CATSPERE: variants seen among roughly 807,000 people sequenced by gnomAD.
CATSPERE encodes catsper channel auxiliary subunit epsilon, also known as cation channel sperm-associated auxiliary subunit epsilon.
A neutral mutation model predicts 114.1 loss-of-function variants in CATSPERE; 93 were observed. The ratio of observed to expected loss-of-function variants is 0.81; its 90% confidence interval spans 0.69 to 0.97. The LOEUF (loss-of-function observed/expected upper bound fraction) is 0.97. Among genes scored for constraint, CATSPERE ranks in the 50% least tolerant of loss-of-function variants. The pLI is 0.00. For synonymous variants in CATSPERE, 341 were observed against 384.1 expected (o/e 0.89, Z 1.31); for missense variants, 1,058 against 1,131.6 (o/e 0.93, Z 0.93).
At chr1:244,565,974 GT>G (rs1211213395) in intron 10 of CATSPERE, among the ~76,000 whole-genome samples, 1 of 151,854 alleles carries the variant, frequency 6.6e-6, no homozygotes, top group Non-Finnish European at 1.5e-5. Context: ...TGGGGATTTA[GT>G]GCTATAAACA....
intron 5 of CATSPERE, among the ~76,000 whole-genome samples, chr1:244,484,848 T>C (rs1670752119): frequency 6.6e-6 from 1 of 152,220 alleles, no homozygotes; most frequent in Admixed American, 6.5e-5. Context: ...TTTCTCAGTA[T>C]TCATGCCTCT....
chr1:244,596,320 C>G (rs1029328425), intron 17 of CATSPERE, among the ~76,000 whole-genome samples: 1 of 152,216 alleles, frequency 6.6e-6, no homozygotes, highest in African/African-American at 2.4e-5. Context: ...ATAAATATAG[C>G]TAGCCAGCAA....
chr1:244,622,801 C>G (rs774475454), intron 20 of CATSPERE, among the ~76,000 whole-genome samples: 36 of 152,146 alleles, frequency 2.4e-4, no homozygotes, highest in Non-Finnish European at 3.7e-4. Context: ...TTACTTCATC[C>G]AAAGAGAATT....
rs1670218109 is a variant in CATSPERE, at chr1:244,607,997, C to T, written c.2403+2203C>T. Among the ~76,000 whole-genome samples, 1 of 152,152 alleles carries T rather than the reference C, an allele frequency of 6.6e-6. No individual in the cohort carries two copies. Among genetic ancestry groups the T allele is most frequent in the South Asian group, 2.1e-4 (1 of 4,836 alleles). ...TGGCACACACCTGTAATCCCAGCTA[C>T]TCAGGAGGCTGAGACAGGAGAATCG... On this transcript the variant is annotated intron_variant, in intron 18 of 21. Transcript: ENST00000366534. The surrounding 1 kb of genome is among the most constrained non-coding windows in gnomAD (Gnocchi z 4.4).
At chr1:244,473,637 TTGA>T in intron 2 of CATSPERE, among the ~76,000 whole-genome samples, 1 of 152,156 alleles carries the variant, frequency 6.6e-6, no homozygotes. Context: ...ACCTTTTTTT[TTGA>T]TTTGTGCTTT....
At chr1:244,458,959 G>C (rs1288517715), upstream of CATSPERE, among the ~76,000 whole-genome samples, 1 of 152,132 alleles carries the variant, frequency 6.6e-6, no homozygotes, top group Non-Finnish European at 1.5e-5. Flanking sequence ...CAAGGTTCCT[G>C]ACCTGTGGTA....
intron 1 of CATSPERE, among the ~76,000 whole-genome samples, chr1:244,455,857 C>T (rs556954100): frequency 2.0e-5 from 3 of 152,132 alleles, no homozygotes; most frequent in Non-Finnish European, 2.9e-5. Context: ...AGATCCCTCT[C>T]AAAATCCAAG....
intron 17 of CATSPERE, among the ~76,000 whole-genome samples, chr1:244,594,183 G>A (rs1415953065): frequency 1.3e-5 from 2 of 152,128 alleles, no homozygotes; most frequent in Non-Finnish European, 2.9e-5. Context: ...AGCCAGGCAT[G>A]GTGGTGTGTG....
At chr1:244,567,773 A>G (rs1663815396) in intron 10 of CATSPERE, among the ~76,000 whole-genome samples, 1 of 151,764 alleles carries the variant, frequency 6.6e-6, no homozygotes, top group Non-Finnish European at 1.5e-5. Flanking sequence ...GTTTCCTTGC[A>G]TTGGGTTAGA....
chr1:244,496,706 A>G (rs543466463), intron 6 of CATSPERE, among the ~76,000 whole-genome samples: 31 of 152,336 alleles, frequency 2.0e-4, no homozygotes, highest in Non-Finnish European at 3.4e-4. Context: ...TGAAAAAAAT[A>G]TACTTTTTCA....
upstream of CATSPERE, among the ~76,000 whole-genome samples, chr1:244,458,918 C>T (rs1666396449): frequency 6.6e-6 from 1 of 152,088 alleles, no homozygotes; most frequent in African/African-American, 2.4e-5. Context: ...GGGAATCTGG[C>T]CTCATACCTT....
rs1037877876 is a variant in CATSPERE, at chr1:244,461,356, C to A, written c.-74C>A. Reference sequence around the variant, plus strand: ...CAGGCGCCTGCAGCCGCCCGCCGGGCCGACGTCCCACGGGAATGCGCGAGG... The same window carrying A: ...CAGGCGCCTGCAGCCGCCCGCCGGGACGACGTCCCACGGGAATGCGCGAGG... On this transcript the variant is annotated 5_prime_UTR_variant, in exon 1 of 22. Transcript: ENST00000366534. The A allele has an allele frequency of 1.6e-5, 20 of 1,250,122 alleles. No homozygotes were observed. The African/African-American group carries it at 3.0e-4, about 19-fold the overall frequency. 77.4% of individuals were successfully genotyped at this position (1,250,122 alleles called of 1,614,324 possible).
rs549404767 is a variant in CATSPERE, at chr1:244,596,689, T to C, written c.2303+3111T>C. 6.6e-5 allele frequency among the ~76,000 whole-genome samples: 10 copies of C among 151,074 alleles called. 1 individual carries two copies. The South Asian group carries it at 2.1e-3, about 31-fold the overall frequency. On this transcript the variant is annotated intron_variant, in intron 17 of 21. Coordinates refer to ENST00000366534, the MANE Select transcript of CATSPERE (RefSeq NM_001130957.2). ...GCTTAAAACCTAGATGATGGCTTGA[T>C]AGGCGCAGCAAACCACCATGGCACA...
chr1:244,578,830 A>ATATATAT (rs1171375823), intron 11 of CATSPERE, among the ~76,000 whole-genome samples: 4 of 146,088 alleles, frequency 2.7e-5, no homozygotes, highest in Non-Finnish European at 6.0e-5. Context: ...ATACATATAT[A>ATATATAT]TATATATATA....
chr1:244,615,592 A>AT (rs1671275878), intron 19 of CATSPERE, among the ~76,000 whole-genome samples: 1 of 151,920 alleles, frequency 6.6e-6, no homozygotes. Flanking sequence ...AATGGTAAGT[A>AT]TTTGTGCAAT....
At chr1:244,524,526 G>T (rs1250412627) in intron 8 of CATSPERE, among the ~76,000 whole-genome samples, 1 of 149,402 alleles carries the variant, frequency 6.7e-6, no homozygotes, top group African/African-American at 2.6e-5. Flanking sequence ...CACAGCAAAA[G>T]AAACTACCAT....
chr1:244,606,169 T>A lies in CATSPERE; in HGVS notation c.2403+375T>A, dbSNP rs116137974. ...TGGGCTTCGTCTCACTTGACTTCCC[T>A]GCATCATTTGACCCTGCTGACTTTG... On this transcript the variant is annotated intron_variant, in intron 18 of 21. Coordinates refer to ENST00000366534, the MANE Select transcript of CATSPERE (RefSeq NM_001130957.2). 5.1e-3 allele frequency among the ~76,000 whole-genome samples: 777 copies of A among 152,254 alleles called. 10 individuals carry two copies. The highest frequency in any genetic ancestry group is 0.018 in the African/African-American group (757 of 41,538).
chr1:244,510,829 C>CTTTTTTT (rs1675594007), intron 7 of CATSPERE, among the ~76,000 whole-genome samples: 1 of 86,168 alleles, frequency 1.2e-5, no homozygotes, highest in Non-Finnish European at 2.4e-5. Context: ...TTTTCTTTTT[C>CTTTTTTT]TTTTTCTTTT....
rs758000587 is a variant in CATSPERE at position 244,461,350 on chromosome 1, G to C, written c.-80G>C. On this transcript the variant is annotated 5_prime_UTR_variant, in exon 1 of 22. Transcript: ENST00000366534. ...GGGACCCAGGCGCCTGCAGCCGCCCGCCGGGCCGACGTCCCACGGGAATGC... is the reference window on the plus strand; with the variant it reads ...GGGACCCAGGCGCCTGCAGCCGCCCCCCGGGCCGACGTCCCACGGGAATGC... The C allele has an allele frequency of 9.7e-6, 12 of 1,234,360 alleles. No individual in the cohort carries two copies. Among genetic ancestry groups the C allele is most frequent in the Non-Finnish European group, 7.2e-6 (7 of 968,182 alleles). The allele number at this position is 1,234,360 out of a possible 1,614,324, so 76.5% of individuals were successfully genotyped here.
Sources: gnomAD v4.1 joint callset for allele counts (sites outside exome capture counted in the v4.1 genomes callset) on GRCh38, gnomAD v4.1.1 for gene constraint, Gnocchi (gnomAD v3.1) non-coding constraint, MANE v1.5 for transcripts, NCBI Gene and HGNC (gene_info 2026-07-23, HGNC 2026-07-21) for gene names.